The following PHKA2 variants were observed in gnomAD, a reference collection of about 807,000 sequenced individuals.
PHKA2 encodes phosphorylase kinase regulatory subunit alpha 2.
In PHKA2, 31 loss-of-function variants were observed where a neutral mutation model predicts 102.0. That is an observed-to-expected ratio of 0.30 (90% CI 0.23 to 0.41). The LOEUF is 0.41. PHKA2 is among the 10% of genes least tolerant of loss of function. PHKA2 has a pLI of 1.00. For synonymous variants in PHKA2, 455 were observed against 416.2 expected, an observed-to-expected ratio of 1.09 and a Z score of -1.13; for missense variants, 858 against 1,023.1, an observed-to-expected ratio of 0.84 and a Z score of 2.20.
intron 30 of PHKA2, 113 bp from the exon 31 acceptor site, chrX:18,895,304 A>AG: frequency 3.0e-6 from 2 of 674,109 alleles, no homozygotes; most frequent in Admixed American, 2.2e-5. Flanking sequence ...AACCCATATG[A>AG]GGGCTGGGAC....
chrX:18,897,044 C>A (rs1009173036), intron 30 of PHKA2, 119 bp downstream of exon 30: 15 of 845,416 alleles, frequency 1.8e-5, no homozygotes, highest in Middle Eastern at 2.8e-4. Flanking sequence ...GTGCCAACAG[C>A]GCTGAGGCAG....
At chrX:18,924,662 A>G (rs2048183427) in intron 15 of PHKA2, 137 bp from the exon 16 acceptor site, 1 of 599,487 alleles carries the variant, frequency 1.7e-6, no homozygotes, top group African/African-American at 2.2e-5. Flanking sequence ...CCACCCAGTC[A>G]TGGGGCTGCC....
intron 5 of PHKA2, among the ~76,000 whole-genome samples, chrX:18,946,876 G>A (rs960360326): frequency 1.0e-5 from 1 of 99,377 alleles, no homozygotes; most frequent in Admixed American, 1.1e-4. Context: ...CATTGGGGTG[G>A]GGGGAGGGGG....
intron 1 of PHKA2, among the ~76,000 whole-genome samples, chrX:18,966,394 T>C (rs987685508): frequency 6.3e-5 from 7 of 110,742 alleles, no homozygotes; most frequent in Non-Finnish European, 1.1e-4. Context: ...GTCTGGCCCG[T>C]TGGGGTTCTT....
At position 18,901,601 on chromosome X, in the gene PHKA2, G is replaced by T. The variant is rs768601102; in HGVS notation, c.2911C>A (p.Arg971Ser). Residue 971 changes from arginine to serine, a missense_variant and splice_region_variant, in exon 27 of 33, where the codon CGC becomes AGC. This residue lies in a region of PHKA2 where 671 missense variants were observed against 745.2 expected (regional missense o/e 0.90). Transcript: ENST00000379942. Reference sequence around the variant, plus strand: ...CTGGATGTGGAGGAGTGGATAGGGCGCACTGGGTGGGAAACACACACACGT... The same window carrying T: ...CTGGATGTGGAGGAGTGGATAGGGCTCACTGGGTGGGAAACACACACACGT... ...GKEFGVERSV[R>S]PIHSSTSSPT... 5.2e-6 allele frequency: 6 copies of T among 1,150,988 alleles called. No homozygotes were observed. The highest frequency in any genetic ancestry group is 5.9e-6 in the Non-Finnish European group (5 of 844,139). 94.9% of individuals were successfully genotyped at this position (1,150,988 alleles called of 1,213,427 possible).
chrX:18,928,611 C>T (rs2048255960), intron 13 of PHKA2, among the ~76,000 whole-genome samples: 1 of 112,394 alleles, frequency 8.9e-6, no homozygotes, highest in South Asian at 3.7e-4. Context: ...AGGAAGAGAA[C>T]TGCTCCACCC....
intron 30 of PHKA2, 153 bp from the exon 31 acceptor site, chrX:18,895,344 A>G: frequency 1.9e-6 from 1 of 534,909 alleles, no homozygotes; most frequent in Non-Finnish European, 3.3e-6. Context: ...ATTTTTAGAG[A>G]GCTTGTTCTC....
intron 1 of PHKA2, among the ~76,000 whole-genome samples, chrX:18,981,933 T>C (rs2049175674): frequency 9.0e-6 from 1 of 111,706 alleles, no homozygotes; most frequent in South Asian, 3.8e-4. Context: ...AGGTCACACA[T>C]GTCATTCAAG....
At chrX:18,907,226 T>C (rs1269733951) in intron 22 of PHKA2, 129 bp from the exon 23 acceptor site, 1 of 557,770 alleles carries the variant, frequency 1.8e-6, no homozygotes, top group Non-Finnish European at 3.1e-6. Context: ...TAGTGACCCA[T>C]GTTGCCCTTG....
intron 4 of PHKA2, among the ~76,000 whole-genome samples, chrX:18,950,180 ACTCAGCCCGCTGAGTAGCGGGCTG>A (rs977377106): frequency 1.5e-4 from 17 of 111,746 alleles, no homozygotes; most frequent in Admixed American, 1.4e-3. Context: ...CTGTGAGCCT[ACTCAGCCCGCTGAGTAGCGGGCTG>A]CTCAGCCCGC....
intron 15 of PHKA2, among the ~76,000 whole-genome samples, chrX:18,924,738 A>C (rs2048184336): frequency 8.9e-6 from 1 of 111,967 alleles, no homozygotes; most frequent in African/African-American, 3.2e-5. Context: ...GTGGAAGGGA[A>C]AGGTGCACTG....
Position 18,951,218 on chromosome X carries a change from C to T in PHKA2, c.340G>A (p.Ala114Thr). 2 of 1,211,650 alleles carry T rather than the reference C, an allele frequency of 1.7e-6. No homozygotes were observed. Among genetic ancestry groups the T allele is most frequent in the Non-Finnish European group, 2.2e-6 (2 of 895,276 alleles). Residue 114 changes from alanine to threonine, a missense_variant, in exon 4 of 33, where the codon GCC (alanine) becomes ACC (threonine). Ala to Thr is a moderately conservative substitution (Grantham distance 58, BLOSUM62 0). This residue lies in a region of PHKA2 where 187 missense variants were observed against 277.9 expected (regional missense o/e 0.67). Transcript: ENST00000379942. The stretch of plus-strand genomic sequence containing the variant: ...CCACAGGTGGCGGTGTTGTACTTGG[C>T]GTGCAGGCTGTCCTTGGTGCTCTGA... The part of the protein sequence containing the change: ...HTQSTKDSLH[A>T]KYNTATCGTV...
At chrX:18,927,033 T>C (rs1000163818) in intron 13 of PHKA2, among the ~76,000 whole-genome samples, 10 of 111,624 alleles carry the variant, frequency 9.0e-5, no homozygotes, top group Non-Finnish European at 1.9e-4. Context: ...AAGAGTAAGA[T>C]GGGGGCGCCT....
At chrX:18,961,030 C>T (rs908884867) in intron 1 of PHKA2, among the ~76,000 whole-genome samples, 9 of 112,055 alleles carry the variant, frequency 8.0e-5, no homozygotes, top group African/African-American at 2.6e-4. Context: ...CTCAATTCCA[C>T]AGCTGTAGAC....
chrX:18,955,633 T>G (rs1428738383), intron 1 of PHKA2, among the ~76,000 whole-genome samples: 1 of 111,790 alleles, frequency 8.9e-6, no homozygotes, highest in Non-Finnish European at 1.9e-5. Context: ...AAATGTATCA[T>G]AACAATCAGA....
At chrX:18,971,399 G>T (rs1018302095) in intron 1 of PHKA2, among the ~76,000 whole-genome samples, 1 of 112,100 alleles carries the variant, frequency 8.9e-6, no homozygotes, top group Non-Finnish European at 1.9e-5. Context: ...TACTATTATA[G>T]AAATATATAA....
chrX:18,979,889 T>C (rs925382094), intron 1 of PHKA2, among the ~76,000 whole-genome samples: 6 of 111,378 alleles, frequency 5.4e-5, no homozygotes, highest in Admixed American at 9.6e-5. Context: ...AGAAGAATGA[T>C]TGTAGGGAAA....
chrX:18,975,259 T>C (rs1413995148), intron 1 of PHKA2, among the ~76,000 whole-genome samples: 1 of 111,629 alleles, frequency 9.0e-6, no homozygotes, highest in Non-Finnish European at 1.9e-5. Flanking sequence ...GGGCAGGTCT[T>C]TCCCATGCTG....
chrX:18,955,137 A>G (rs2048756000), intron 1 of PHKA2, among the ~76,000 whole-genome samples: 1 of 112,922 alleles, frequency 8.9e-6, no homozygotes, highest in Non-Finnish European at 1.9e-5. Context: ...AATGCGGTCT[A>G]TACAAACAAT....
Sources: gnomAD v4.1 joint callset for allele counts (sites outside exome capture counted in the v4.1 genomes callset) on GRCh38, gnomAD v4.1.1 for gene constraint, gnomAD v4.1.1 regional missense constraint, MANE v1.5 for transcripts, NCBI Gene and HGNC (gene_info 2026-07-23, HGNC 2026-07-21) for gene names.